Variants in EPG5 observed in about 807,000 individuals in gnomAD.
EPG5 encodes ectopic P granules protein 5 homolog.
EPG5 carries 159 observed loss-of-function variants against 302.7 expected under a neutral mutation model. That is an observed-to-expected ratio of 0.53 (90% CI 0.46 to 0.60). EPG5 has a LOEUF of 0.60. EPG5 is among the 20% of genes least tolerant of loss of function. The pLI is 0.00. For missense variants in EPG5, 2,896 were observed against 3,092.4 expected, an observed-to-expected ratio of 0.94 and a Z score of 1.51; for synonymous variants, 1,158 against 1,136.8, an observed-to-expected ratio of 1.02 and a Z score of -0.37.
At chr18:45,955,558 T>G (rs1599651301) in intron 1 of EPG5, among the ~76,000 whole-genome samples, 1 of 152,214 alleles carries the variant, frequency 6.6e-6, no homozygotes, top group African/African-American at 2.4e-5. Flanking sequence ...ATTTGGAGAT[T>G]CACTAGTCTG....
At chr18:45,805,376 G>A in the EPG5 span, among the ~76,000 whole-genome samples, 1 of 148,060 alleles carries the variant, frequency 6.8e-6, no homozygotes. Context: ...TACTATTTTT[G>A]CAACTTTTAT....
intron 1 of EPG5, among the ~76,000 whole-genome samples, chr18:45,955,676 G>A (rs1014616533): frequency 6.6e-5 from 10 of 152,188 alleles, no homozygotes; most frequent in African/African-American, 2.2e-4. Flanking sequence ...AAGTTAAATA[G>A]ATCAGTCTCT....
intron 23 of EPG5, among the ~76,000 whole-genome samples, chr18:45,909,347 A>G (rs2049837526): frequency 6.6e-6 from 1 of 152,214 alleles, no homozygotes; most frequent in Non-Finnish European, 1.5e-5. Context: ...TTCACAGAGA[A>G]AGCCGTCCAC....
At chr18:45,875,764 A>G (rs8087506) in intron 35 of EPG5, among the ~76,000 whole-genome samples, 2,799 of 152,264 alleles carry the variant, frequency 0.018, 98 homozygotes, top group African/African-American at 0.064. Flanking sequence ...AAGAAGTTAC[A>G]CACCTAAAGG....
Position 45,870,554 on chromosome 18 carries a change from A to G in EPG5, c.6225+13T>C. On this transcript the variant is annotated intron_variant, in intron 36 of 43. Coordinates refer to ENST00000282041, the MANE Select transcript of EPG5 (RefSeq NM_020964.3). ...ATCTCTCTAGGCTGCGATGCCGGGA[A>G]TGAAGGGCTTACTTTGAAGAAGGCC... 1 of 1,610,684 alleles carries G rather than the reference A, an allele frequency of 6.2e-7. No homozygotes were observed. Among genetic ancestry groups the G allele is most frequent in the Non-Finnish European group, 8.5e-7 (1 of 1,177,432 alleles).
intron 38 of EPG5, among the ~76,000 whole-genome samples, chr18:45,866,539 C>A (rs1445170527): frequency 1.3e-5 from 2 of 152,144 alleles, no homozygotes; most frequent in African/African-American, 4.8e-5. Context: ...ACATTCAGAT[C>A]ATGAAACCAG....
At chr18:45,837,857 CGCTACGAGA>C in the EPG5 span, 1 of 1,538,682 alleles carries the variant, frequency 6.5e-7, no homozygotes, top group Non-Finnish European at 8.7e-7. Context: ...CGTCCATGAC[CGCTACGAGA>C]GCCGCCACGG....
chr18:45,873,976 T>C (rs139839794), intron 35 of EPG5, among the ~76,000 whole-genome samples: 117 of 152,248 alleles, frequency 7.7e-4, no homozygotes, highest in African/African-American at 2.7e-3. Context: ...GGTAACACTA[T>C]GGAGATAGTA....
chr18:45,907,819 C>G, intron 24 of EPG5, 139 bp downstream of exon 24: 1 of 840,610 alleles, frequency 1.2e-6, no homozygotes, highest in East Asian at 2.8e-5. Flanking sequence ...TAGATACTGA[C>G]AAAACCATAG....
At chr18:45,947,241 C>T (rs948623874) in intron 6 of EPG5, among the ~76,000 whole-genome samples, 39 of 152,186 alleles carry the variant, frequency 2.6e-4, no homozygotes, top group African/African-American at 8.4e-4. Context: ...GGTGAAACCC[C>T]GTCTCTACTA....
chr18:45,833,348 G>A, the EPG5 span, among the ~76,000 whole-genome samples: 1 of 151,946 alleles, frequency 6.6e-6, no homozygotes, highest in Non-Finnish European at 1.5e-5. Context: ...GCAGAGTCTC[G>A]CTCTGTTGCC....
intron 11 of EPG5, among the ~76,000 whole-genome samples, chr18:45,934,596 GT>G (rs780639685): frequency 2.0e-5 from 3 of 152,204 alleles, no homozygotes; most frequent in Non-Finnish European, 4.4e-5. Flanking sequence ...TTGGTATACT[GT>G]TTGGGACTAA....
intron 31 of EPG5, 33 bp downstream of exon 31, chr18:45,882,241 T>C (rs758151646): frequency 2.8e-5 from 42 of 1,491,574 alleles, no homozygotes; most frequent in Non-Finnish European, 3.8e-5. Flanking sequence ...TTCACTAAGA[T>C]CTAGTTAGTT....
chr18:45,906,155 G>GCC (rs2049746601), intron 24 of EPG5, among the ~76,000 whole-genome samples: 4 of 152,072 alleles, frequency 2.6e-5, no homozygotes, highest in Admixed American at 2.6e-4. Context: ...TCTCGTTGAA[G>GCC]CCCCTCAGGC....
chr18:45,813,991 C>T, the EPG5 span, among the ~76,000 whole-genome samples: 1 of 151,722 alleles, frequency 6.6e-6, no homozygotes, highest in Non-Finnish European at 1.5e-5. Flanking sequence ...TATGTTAAAA[C>T]TAGGGAGTAA....
chr18:45,867,037 C>G (rs180854958), intron 37 of EPG5, 30 bp from the exon 38 acceptor site: 1 of 1,559,126 alleles, frequency 6.4e-7, no homozygotes, highest in Non-Finnish European at 8.8e-7. Flanking sequence ...TCCTTTAGTT[C>G]CAGAGCCCCA....
At chr18:45,841,726 GGT>G in the EPG5 span, among the ~76,000 whole-genome samples, 1 of 152,192 alleles carries the variant, frequency 6.6e-6, no homozygotes, top group Non-Finnish European at 1.5e-5. Context: ...GAGTGGGGCG[GGT>G]GTGAGGGTCA....
At chr18:45,894,599 C>G (rs962395535) in intron 27 of EPG5, among the ~76,000 whole-genome samples, 1 of 152,172 alleles carries the variant, frequency 6.6e-6, no homozygotes, top group Non-Finnish European at 1.5e-5. Flanking sequence ...CATCTCAATT[C>G]GACTGCAAGA....
At chr18:45,912,875 G>A (rs182643525) in intron 21 of EPG5, among the ~76,000 whole-genome samples, 218 of 152,260 alleles carry the variant, frequency 1.4e-3, no homozygotes, top group African/African-American at 5.1e-3. Flanking sequence ...ATCACTTCAG[G>A]TCAAGAGTTC....
Sources: gnomAD v4.1 joint callset for allele counts (sites outside exome capture counted in the v4.1 genomes callset) on GRCh38, gnomAD v4.1.1 for gene constraint, MANE v1.5 for transcripts, NCBI Gene and HGNC (gene_info 2026-07-23, HGNC 2026-07-21) for gene names.